The following SORCS2 variants were observed in gnomAD, a reference collection of about 807,000 sequenced individuals.
SORCS2 encodes the protein VPS10 domain-containing receptor SorCS2.
A neutral mutation model predicts 141.6 loss-of-function variants in SORCS2; 100 were observed. The ratio of observed to expected loss-of-function variants is 0.71; its 90% CI spans 0.60 to 0.83. SORCS2 has a LOEUF of 0.83. Among genes scored for constraint, SORCS2 ranks in the 40% least tolerant of loss-of-function variants. The pLI is 0.00. For synonymous variants in SORCS2, 789 were observed against 676.9 expected (o/e 1.17, Z -2.57); for missense variants, 1,646 against 1,560.2 (o/e 1.05, Z -0.93).
At chr4:7,514,944 G>A (rs1023796995) in intron 2 of SORCS2, among the ~76,000 whole-genome samples, 3 of 152,162 alleles carry the variant, frequency 2.0e-5, no homozygotes, top group Non-Finnish European at 4.4e-5. Flanking sequence ...GTGTCCAAGG[G>A]CTCAGAGGTC....
chr4:7,553,691 C>G (rs939853140), intron 3 of SORCS2, among the ~76,000 whole-genome samples: 4 of 152,196 alleles, frequency 2.6e-5, no homozygotes, highest in African/African-American at 4.8e-5. Context: ...GCTTCAACAG[C>G]TGTTGTTGTG....
intron 3 of SORCS2, among the ~76,000 whole-genome samples, chr4:7,569,515 CAAAAAAG>C (rs1258021770): frequency 1.3e-5 from 2 of 151,498 alleles, no homozygotes; most frequent in Non-Finnish European, 2.9e-5. Flanking sequence ...GACTCCGTCG[CAAAAAAG>C]AAAAAAGAAA....
intron 12 of SORCS2, among the ~76,000 whole-genome samples, 175 bp from the exon 13 acceptor site, chr4:7,703,105 G>A (rs1725184165): frequency 6.6e-6 from 1 of 152,138 alleles, no homozygotes; most frequent in South Asian, 2.1e-4. Flanking sequence ...AGTCCGCGTG[G>A]GCTGGGAAAG....
At chr4:7,496,653 G>C (rs1254176824) in intron 2 of SORCS2, among the ~76,000 whole-genome samples, 1 of 152,040 alleles carries the variant, frequency 6.6e-6, no homozygotes, top group Non-Finnish European at 1.5e-5. Context: ...CGGGAGAAAG[G>C]ACAGTTTCTA....
At chr4:7,692,456 C>A (rs1184483125) in intron 11 of SORCS2, among the ~76,000 whole-genome samples, 1 of 152,200 alleles carries the variant, frequency 6.6e-6, no homozygotes, top group African/African-American at 2.4e-5. Context: ...AGGATAAAAC[C>A]TCCACTGTAA....
chr4:7,454,134 CAGGAGCTGTGTGTT>C (rs1263060950), intron 2 of SORCS2, among the ~76,000 whole-genome samples: 3 of 97,874 alleles, frequency 3.1e-5, no homozygotes, highest in African/African-American at 8.6e-5. Context: ...GTGTTGGGGT[CAGGAGCTGTGTGTT>C]GGGGTCAGGT....
chr4:7,674,662 G>A (rs1326177522), intron 8 of SORCS2, among the ~76,000 whole-genome samples: 2 of 151,658 alleles, frequency 1.3e-5, no homozygotes, highest in African/African-American at 4.8e-5. Context: ...GGAACAGGCA[G>A]GGCAGTGAGG....
chr4:7,464,102 C>T lies in SORCS2; in HGVS notation c.549-67428C>T, dbSNP rs576063895. 5.9e-5 allele frequency among the ~76,000 whole-genome samples: 9 copies of T among 152,294 alleles called. No individual in the cohort carries two copies. In the South Asian group the frequency reaches 8.3e-4, roughly 14 times the overall value. On this transcript the variant is annotated intron_variant, in intron 2 of 26. Coordinates refer to ENST00000507866, the MANE Select transcript of SORCS2 (RefSeq NM_020777.3). ...TGGCAGTGAGCTAAGAGCTGGATGCCGCAGTGGACTGAACACACCTGGTCA... is the reference window on the plus strand; with the variant it reads ...TGGCAGTGAGCTAAGAGCTGGATGCTGCAGTGGACTGAACACACCTGGTCA...
chr4:7,540,177 TGCCCCTCC>T (rs1712501497), intron 3 of SORCS2, among the ~76,000 whole-genome samples: 5 of 52,404 alleles, frequency 9.5e-5, no homozygotes, highest in African/African-American at 4.1e-4. Flanking sequence ...TGCCCCTCCC[TGCCCCTCC>T]CTGCCCCTCC....
intron 1 of SORCS2, among the ~76,000 whole-genome samples, chr4:7,308,823 C>T (rs543806707): frequency 6.6e-6 from 1 of 152,172 alleles, no homozygotes; most frequent in African/African-American, 2.4e-5. Flanking sequence ...CCTGTCTGTC[C>T]TCTTTCTGCT....
intron 9 of SORCS2, among the ~76,000 whole-genome samples, chr4:7,679,482 T>A (rs111243456): frequency 0.014 from 2,192 of 152,312 alleles, 54 homozygotes; most frequent in African/African-American, 0.047. Context: ...GATCATCCCA[T>A]ATTATCCAAG....
intron 2 of SORCS2, among the ~76,000 whole-genome samples, chr4:7,411,502 C>T (rs1725306754): frequency 6.6e-6 from 1 of 152,056 alleles, no homozygotes; most frequent in African/African-American, 2.4e-5. Context: ...ATCCACCCTT[C>T]CCACCTTTGC....
chr4:7,401,631 C>T (rs145819573), intron 2 of SORCS2, among the ~76,000 whole-genome samples: 90 of 152,272 alleles, frequency 5.9e-4, no homozygotes, highest in African/African-American at 1.8e-3. Flanking sequence ...ACACTGAGCA[C>T]GGCTGTTGGG....
intron 1 of SORCS2, among the ~76,000 whole-genome samples, chr4:7,194,593 T>G (rs910189612): frequency 2.6e-5 from 4 of 152,066 alleles, no homozygotes; most frequent in African/African-American, 4.8e-5. Context: ...GCTCCCTGGG[T>G]GCAGTGGGCC....
intron 3 of SORCS2, among the ~76,000 whole-genome samples, chr4:7,599,476 C>T (rs548424121): frequency 6.6e-6 from 1 of 152,262 alleles, no homozygotes; most frequent in African/African-American, 2.4e-5. Flanking sequence ...GACGGGTGGC[C>T]GCTGGTGCCT....
rs116457418 is a variant in SORCS2 at position 7,621,272 on chromosome 4, G to A, written c.649-17056G>A. On this transcript the variant is annotated intron_variant, in intron 3 of 26. Coordinates refer to ENST00000507866, the MANE Select transcript of SORCS2 (RefSeq NM_020777.3). The stretch of plus-strand genomic sequence containing the variant: ...AAGCCTTCCTCTCCCACTCCCTCCC[G>A]GCATCTCACACCCCTCCCTGCATCT... Among the ~76,000 whole-genome samples, 132 of 152,274 alleles carry A rather than the reference G, an allele frequency of 8.7e-4. 1 individual carries two copies. Among genetic ancestry groups the A allele is most frequent in the Middle Eastern group, 3.4e-3 (1 of 294 alleles).
chr4:7,488,191 G>T (rs150093418), intron 2 of SORCS2, among the ~76,000 whole-genome samples: 323 of 152,340 alleles, frequency 2.1e-3, no homozygotes, highest in African/African-American at 7.4e-3. Context: ...GGCTCCCGTG[G>T]GCCGGCTGTC....
chr4:7,590,423 T>C (rs1716839352), intron 3 of SORCS2, among the ~76,000 whole-genome samples: 1 of 152,180 alleles, frequency 6.6e-6, no homozygotes, highest in South Asian at 2.1e-4. Context: ...GCCTGGCTTC[T>C]CAGGTCCTCT....
chr4:7,419,419 C>T (rs150773858), intron 2 of SORCS2, among the ~76,000 whole-genome samples: 23 of 152,262 alleles, frequency 1.5e-4, no homozygotes, highest in African/African-American at 5.3e-4. Flanking sequence ...GACACATGGC[C>T]AGAACTCAGG....
Sources: gnomAD v4.1 joint callset for allele counts (sites outside exome capture counted in the v4.1 genomes callset) on GRCh38, gnomAD v4.1.1 for gene constraint, MANE v1.5 for transcripts, NCBI Gene and HGNC (gene_info 2026-07-23, HGNC 2026-07-21) for gene names.